PPP1R1C: variants seen among roughly 807,000 people sequenced by gnomAD.
PPP1R1C encodes the protein protein phosphatase 1 regulatory subunit 1C.
PPP1R1C carries 15 observed loss-of-function variants against 17.4 expected under a neutral mutation model. The ratio of observed to expected loss-of-function variants is 0.86; its 90% CI spans 0.58 to 1.33. The LOEUF is 1.33. Ranked by LOEUF, PPP1R1C falls within the 40% of genes most tolerant of loss-of-function variation. The probability of loss-of-function intolerance (pLI) is 0.00; values close to 1 mark genes in which losing one functional copy is unlikely to be tolerated. For missense variants in PPP1R1C, 143 were observed against 130.0 expected (o/e 1.10, Z -0.48); for synonymous variants, 35 against 43.1 (o/e 0.81, Z 0.73).
chr2:182,087,695 CATT>C (rs1220048644), intron 4 of PPP1R1C, among the ~76,000 whole-genome samples: 3 of 152,130 alleles, frequency 2.0e-5, no homozygotes, highest in African/African-American at 7.2e-5. Flanking sequence ...CTGTTTTGGT[CATT>C]AATGGATCCC....
At chr2:182,095,545 G>A (rs1219161915) in intron 4 of PPP1R1C, among the ~76,000 whole-genome samples, 5 of 152,154 alleles carry the variant, frequency 3.3e-5, no homozygotes, top group Admixed American at 1.3e-4. Context: ...TTGTCTTTTA[G>A]TGTGGCTCCT....
chr2:182,102,995 G>A (rs921912490), intron 4 of PPP1R1C, among the ~76,000 whole-genome samples: 10 of 151,872 alleles, frequency 6.6e-5, no homozygotes, highest in African/African-American at 2.4e-4. Flanking sequence ...ATAGAGATGG[G>A]GTTTCGCCAT....
intron 4 of PPP1R1C, among the ~76,000 whole-genome samples, chr2:182,073,596 T>C (rs1405268413): frequency 2.0e-5 from 3 of 152,202 alleles, no homozygotes; most frequent in Non-Finnish European, 4.4e-5. Flanking sequence ...AACTTGTAAG[T>C]TCCCTGAGAT....
At chr2:181,994,212 TA>T (rs1484448694) in intron 2 of PPP1R1C, among the ~76,000 whole-genome samples, 1 of 152,150 alleles carries the variant, frequency 6.6e-6, no homozygotes, top group African/African-American at 2.4e-5. Flanking sequence ...TTCATAAGGT[TA>T]TGAAAAACAT....
rs1278327220 is a variant in PPP1R1C, at chr2:181,957,221, A to T, written n.111+2587A>T. ...CCAAAAATACAAAAATTAGCCAGGC[A>T]TGGTAGTGCACCCCTGTAATCCCAG... On this transcript the variant is annotated intron_variant and non_coding_transcript_variant, in intron 1 of 5. Transcript: ENST00000464264. This position sits in a 1 kb window ranked among gnomAD's most constrained non-coding sequence, Gnocchi z 4.2. 6.6e-6 allele frequency among the ~76,000 whole-genome samples: 1 copy of T among 152,130 alleles called. No individual in the cohort carries two copies. Among genetic ancestry groups the T allele is most frequent in the African/African-American group, 2.4e-5 (1 of 41,430 alleles).
intron 4 of PPP1R1C, among the ~76,000 whole-genome samples, chr2:182,079,743 C>T (rs559467870): frequency 6.6e-6 from 1 of 152,298 alleles, no homozygotes; most frequent in African/African-American, 2.4e-5. Context: ...TAGGGCCATG[C>T]TCCCACTGAA....
chr2:181,964,815 C>T (rs1346555829), intron 1 of PPP1R1C, among the ~76,000 whole-genome samples: 2 of 152,176 alleles, frequency 1.3e-5, no homozygotes, highest in African/African-American at 4.8e-5. Flanking sequence ...AAGAGATTCT[C>T]CTGCCACAGG....
At chr2:182,120,760 A>G (rs901530168), downstream of PPP1R1C, among the ~76,000 whole-genome samples, 1 of 152,190 alleles carries the variant, frequency 6.6e-6, no homozygotes, top group Non-Finnish European at 1.5e-5. Flanking sequence ...GGCAAACAAA[A>G]AGAAACCAAA....
intron 1 of PPP1R1C, among the ~76,000 whole-genome samples, chr2:181,965,437 G>C (rs1684889425): frequency 6.6e-6 from 1 of 152,154 alleles, no homozygotes; most frequent in Non-Finnish European, 1.5e-5. Context: ...TGGGGTTCTT[G>C]ATTTAAGTCT....
intron 5 of PPP1R1C, among the ~76,000 whole-genome samples, chr2:182,123,202 A>T (rs1574469282): frequency 6.6e-6 from 1 of 152,196 alleles, no homozygotes; most frequent in African/African-American, 2.4e-5. Context: ...TTATGGCTGC[A>T]TAGTATTCCA....
intron 2 of PPP1R1C, among the ~76,000 whole-genome samples, chr2:182,047,100 C>G (rs1574408337): frequency 1.3e-5 from 2 of 152,288 alleles, no homozygotes; most frequent in Middle Eastern, 3.4e-3. Flanking sequence ...CTGTCATCAT[C>G]ATTCAAATTG....
At chr2:182,024,389 T>C (rs1348815417) in intron 2 of PPP1R1C, among the ~76,000 whole-genome samples, 2 of 152,148 alleles carry the variant, frequency 1.3e-5, no homozygotes, top group African/African-American at 4.8e-5. Flanking sequence ...GTACTAATTT[T>C]TAAAATATTT....
At chr2:181,969,857 C>T (rs536161921) in intron 1 of PPP1R1C, among the ~76,000 whole-genome samples, 19 of 152,114 alleles carry the variant, frequency 1.2e-4, no homozygotes, top group Non-Finnish European at 2.2e-4. Context: ...TTCATCAGTT[C>T]TTTCTTCTGC....
chr2:182,127,113 ATTC>A (rs1689893712), intron 5 of PPP1R1C, among the ~76,000 whole-genome samples: 1 of 152,098 alleles, frequency 6.6e-6, no homozygotes, highest in Non-Finnish European at 1.5e-5. Context: ...TCAGCAAATA[ATTC>A]TTCAGACAAA....
At chr2:182,105,897 T>C (rs1192800044) in intron 4 of PPP1R1C, among the ~76,000 whole-genome samples, 1 of 152,136 alleles carries the variant, frequency 6.6e-6, no homozygotes, top group East Asian at 1.9e-4. Flanking sequence ...AACTGGGTGG[T>C]TGAAGCAGCA....
intron 4 of PPP1R1C, among the ~76,000 whole-genome samples, chr2:182,090,318 A>AGTGTGT (rs1559088788): frequency 2.0e-3 from 209 of 104,514 alleles, no homozygotes; most frequent in African/African-American, 9.4e-3. Context: ...TGTGTGTGTC[A>AGTGTGT]GAGAGAGACA....
At chr2:182,001,107 A>T (rs919323388) in intron 2 of PPP1R1C, among the ~76,000 whole-genome samples, 90 of 152,298 alleles carry the variant, frequency 5.9e-4, no homozygotes, top group African/African-American at 2.0e-3. Context: ...TAAAATATTT[A>T]TGGGCATAAT....
intron 2 of PPP1R1C, among the ~76,000 whole-genome samples, chr2:182,016,178 A>G (rs1243287365): frequency 6.6e-6 from 1 of 152,128 alleles, no homozygotes; most frequent in African/African-American, 2.4e-5. Context: ...GAAGACTCAC[A>G]ATCTCTGAAC....
chr2:181,984,039 T>C (rs1012529591), upstream of PPP1R1C, among the ~76,000 whole-genome samples: 1 of 152,228 alleles, frequency 6.6e-6, no homozygotes, highest in African/African-American at 2.4e-5. Context: ...AATTTCACTT[T>C]ATCACCTATT....
Sources: gnomAD v4.1 joint callset for allele counts (sites outside exome capture counted in the v4.1 genomes callset) on GRCh38, gnomAD v4.1.1 for gene constraint, Gnocchi (gnomAD v3.1) non-coding constraint, MANE v1.5 for transcripts, NCBI Gene and HGNC (gene_info 2026-07-23, HGNC 2026-07-21) for gene names.